Variants in KLHL20 observed in about 807,000 individuals in gnomAD.
KLHL20 encodes the protein kelch like family member 20, also known as kelch-like protein 20.
KLHL20 carries 29 observed loss-of-function variants against 69.5 expected under a neutral mutation model. That is an observed-to-expected ratio of 0.42 (90% CI 0.31 to 0.57). The LOEUF (loss-of-function observed/expected upper bound fraction) is 0.57, where lower values mean the gene tolerates loss of function less well. Ranked by LOEUF, KLHL20 falls within the 20% of genes least tolerant of loss-of-function variation. KLHL20 has a pLI of 0.18. For synonymous variants in KLHL20, 253 were observed against 265.2 expected, an observed-to-expected ratio of 0.95 and a Z score of 0.45; for missense variants, 419 against 776.0, an observed-to-expected ratio of 0.54 and a Z score of 5.47.
chr1:173,755,566 T>G (rs890827237), intron 5 of KLHL20, among the ~76,000 whole-genome samples: 26 of 152,314 alleles, frequency 1.7e-4, no homozygotes, highest in African/African-American at 5.5e-4. Flanking sequence ...TGTGCTACCT[T>G]GCTAATATCT....
At chr1:173,766,916 G>T (rs2102521830) in intron 8 of KLHL20, among the ~76,000 whole-genome samples, 1 of 152,110 alleles carries the variant, frequency 6.6e-6, no homozygotes, top group East Asian at 1.9e-4. Flanking sequence ...ATTTATTTGT[G>T]GTGAGAACAC....
At chr1:173,770,892 A>G (rs933705432) in intron 8 of KLHL20, among the ~76,000 whole-genome samples, 4 of 152,290 alleles carry the variant, frequency 2.6e-5, no homozygotes, top group African/African-American at 7.2e-5. Context: ...AGAATACGCT[A>G]TATCCTTCGA....
At chr1:173,784,007 A>G (rs1649047730) in intron 11 of KLHL20, among the ~76,000 whole-genome samples, 1 of 150,912 alleles carries the variant, frequency 6.6e-6, no homozygotes, top group South Asian at 2.1e-4. Flanking sequence ...TGAACCCAGA[A>G]GGTGGAGGTT....
intron 1 of KLHL20, chr1:173,715,552 T>A (rs1440434311): frequency 6.5e-6 from 1 of 154,188 alleles, no homozygotes. Context: ...CGGAGTTGTT[T>A]GTAAAGGCAA....
chr1:173,752,248 A>T (rs550226148), intron 4 of KLHL20, among the ~76,000 whole-genome samples: 60 of 152,106 alleles, frequency 3.9e-4, no homozygotes, highest in African/African-American at 1.3e-3. Context: ...AAAAAAAAAA[A>T]CTGCTTAGTA....
intron 10 of KLHL20, 169 bp from the exon 11 acceptor site, chr1:173,781,955 C>G: frequency 1.9e-6 from 1 of 529,340 alleles, no homozygotes; most frequent in South Asian, 2.6e-5. Context: ...TTTTATAGTT[C>G]CCATAATTTG....
At chr1:173,721,889 T>A (rs1256879007) in intron 2 of KLHL20, among the ~76,000 whole-genome samples, 1 of 152,222 alleles carries the variant, frequency 6.6e-6, no homozygotes, top group Non-Finnish European at 1.5e-5. Context: ...TGAGGGTCAG[T>A]GCAACTGAAT....
At position 173,753,310 on chromosome 1, in the gene KLHL20, A is replaced by T; in HGVS notation, c.851+3A>T. 2 of 1,608,936 alleles carry T rather than the reference A, an allele frequency of 1.2e-6. No individual in the cohort carries two copies. The highest frequency in any genetic ancestry group is 1.1e-5 in the South Asian group (1 of 90,960). ...ATCAAAAGTGATGAAGAATGCAGGT[A>T]TGAGTGACCCTGGATGGGAAAAATC... On this transcript the variant is annotated splice_donor_region_variant and intron_variant, in intron 5 of 11. Coordinates refer to ENST00000209884, the MANE Select transcript of KLHL20 (RefSeq NM_014458.4).
At chr1:173,745,624 G>GT (rs1673023899) in intron 3 of KLHL20, among the ~76,000 whole-genome samples, 1 of 151,974 alleles carries the variant, frequency 6.6e-6, no homozygotes, top group African/African-American at 2.4e-5. Context: ...ATTCTTTAGA[G>GT]TTTTTTTGGA....
At position 173,760,736 on chromosome 1, in the gene KLHL20, A is replaced by G. The variant is rs146167436; in HGVS notation, c.1151+3577A>G. Among the ~76,000 whole-genome samples the G allele has an allele frequency of 4.6e-3, 708 of 152,368 alleles. 2 individuals carry two copies. The highest frequency in any genetic ancestry group is 7.2e-3 in the Non-Finnish European group (488 of 68,038). ...AAAGGAGCTGTAAATCTTGAAAGAA[A>G]TCCTGGAAACACATCAAAACAGAAC... is the stretch of plus-strand genomic sequence containing the variant. On this transcript the variant is annotated intron_variant, in intron 7 of 11. Coordinates refer to ENST00000209884, the MANE Select transcript of KLHL20 (RefSeq NM_014458.4).
intron 3 of KLHL20, 66 bp from the exon 4 acceptor site, chr1:173,751,698 A>C: frequency 1.3e-6 from 2 of 1,518,126 alleles, no homozygotes; most frequent in Non-Finnish European, 1.8e-6. Flanking sequence ...ATAACCCTGA[A>C]GAAAAACACT....
rs1450359542 is a variant in KLHL20 at position 173,775,720 on chromosome 1, C to G, written c.1516C>G (p.Gln506Glu). ...RRKHLGCAVY[Q>E]DMIYAVGGRD... ...GAAACACCTAGGCTGTGCAGTATAT[C>G]AGGACATGATCTATGCTGTAGGAGG... Residue 506 changes from glutamine (Q) to glutamate (E), a missense_variant, in exon 10 of 12, where the codon CAG becomes GAG. Gln to Glu is a conservative substitution (Grantham distance 29, BLOSUM62 2). Around this residue, in one of 6 missense-constraint regions of KLHL20, gnomAD observed 79 missense variants for 154.4 expected, o/e 0.51. Transcript: ENST00000209884. The G allele has an allele frequency of 6.2e-7, 1 of 1,614,120 alleles. No homozygotes were observed. Among genetic ancestry groups the G allele is most frequent in the South Asian group, 1.1e-5 (1 of 91,080 alleles).
At chr1:173,715,799 A>C in intron 1 of KLHL20, 2 of 480,914 alleles carry the variant, frequency 4.2e-6, no homozygotes, top group Non-Finnish European at 7.4e-6. Context: ...CCTCACCTTT[A>C]CTTTAATCGT....
At chr1:173,728,975 C>A (rs6425253) in intron 2 of KLHL20, among the ~76,000 whole-genome samples, 1 of 151,782 alleles carries the variant, frequency 6.6e-6, no homozygotes, top group African/African-American at 2.4e-5. Flanking sequence ...ATTGATAGAC[C>A]GCTAGCAAGA....
chr1:173,772,936 G>C (rs1207204792), intron 8 of KLHL20, among the ~76,000 whole-genome samples: 1 of 152,138 alleles, frequency 6.6e-6, no homozygotes, highest in East Asian at 1.9e-4. Context: ...GGGAAGAAAA[G>C]GAATGGAGAG....
At chr1:173,743,280 G>T (rs1047191817) in intron 3 of KLHL20, among the ~76,000 whole-genome samples, 1 of 151,856 alleles carries the variant, frequency 6.6e-6, no homozygotes, top group Non-Finnish European at 1.5e-5. Context: ...CAAATTTATA[G>T]GAAATCACAG....
intron 9 of KLHL20, 91 bp downstream of exon 9, chr1:173,774,529 T>A (rs920362347): frequency 3.3e-5 from 47 of 1,433,078 alleles, no homozygotes; most frequent in Non-Finnish European, 4.5e-5. Flanking sequence ...CTCCAGGTTA[T>A]CCTATAATTT....
chr1:173,730,611 C>A (rs1571862124), intron 2 of KLHL20, among the ~76,000 whole-genome samples: 1 of 152,058 alleles, frequency 6.6e-6, no homozygotes, highest in Non-Finnish European at 1.5e-5. Flanking sequence ...GAAAAACAAG[C>A]AATGGGGAAA....
intron 3 of KLHL20, among the ~76,000 whole-genome samples, chr1:173,745,825 A>G (rs1211351319): frequency 1.3e-5 from 2 of 152,184 alleles, no homozygotes; most frequent in Non-Finnish European, 2.9e-5. Context: ...ATTAAGTAAT[A>G]TACTGGCTTT....
Sources: allele counts gnomAD v4.1 joint callset (sites outside exome capture counted in the v4.1 genomes callset), GRCh38; gene constraint gnomAD v4.1.1; regional missense constraint gnomAD v4.1.1; transcripts MANE v1.5; gene names NCBI Gene and HGNC (gene_info 2026-07-23, HGNC 2026-07-21).